C5: variants seen among roughly 807,000 people sequenced by gnomAD.
C5 encodes C3 and PZP-like alpha-2-macroglobulin domain-containing protein 4.
Under a neutral mutation model 218.8 loss-of-function variants are expected in C5, and 140 were observed. The observed-to-expected ratio is 0.64, with a 90% confidence interval of 0.56 to 0.74. The LOEUF is 0.74. Among genes scored for constraint, C5 ranks in the 30% least tolerant of loss-of-function variants. C5 has a pLI of 0.00. For synonymous variants in C5, 614 were observed against 682.3 expected, an observed-to-expected ratio of 0.90 and a Z score of 1.56; for missense variants, 1,700 against 1,969.6, an observed-to-expected ratio of 0.86 and a Z score of 2.59.
chr9:121,029,636 A>G (rs1012356363), intron 7 of C5, among the ~76,000 whole-genome samples: 1 of 152,208 alleles, frequency 6.6e-6, no homozygotes, highest in African/African-American at 2.4e-5. Flanking sequence ...CTCCCCATGT[A>G]TCAACGACCT....
chr9:121,061,406 G>A, the C5 span, among the ~76,000 whole-genome samples: 5 of 152,044 alleles, frequency 3.3e-5, no homozygotes, highest in South Asian at 6.2e-4. Flanking sequence ...AAAATTAGCC[G>A]GGCGTGGTGG....
rs574059341 is a variant in C5 at position 121,018,018 on chromosome 9, C to T, written c.1507-166G>A. ...CTGTAATCCTAGCACTTTGGGAGGC[C>T]GAGGTGGGCCGATCACTTGAGGCCA... On this transcript the variant is annotated intron_variant, in intron 12 of 40. Coordinates refer to ENST00000223642, the MANE Select transcript of C5 (RefSeq NM_001735.3). Among the ~76,000 whole-genome samples the T allele has an allele frequency of 4.6e-5, 7 of 151,754 alleles. No homozygotes were observed. In the East Asian group the frequency reaches 1.2e-3, roughly 25 times the overall value.
the C5 span, among the ~76,000 whole-genome samples, chr9:121,069,729 G>A: frequency 1.3e-5 from 2 of 152,010 alleles, no homozygotes; most frequent in East Asian, 1.9e-4. Flanking sequence ...CTCCAGGCTG[G>A]TATTGAACTC....
At chr9:121,010,914 TG>T (rs1374743161) in intron 17 of C5, among the ~76,000 whole-genome samples, 3 of 152,272 alleles carry the variant, frequency 2.0e-5, no homozygotes, top group Admixed American at 6.5e-5. Context: ...CTGGGAAAAC[TG>T]GTTATCCCAT....
intron 5 of C5, 42 bp from the exon 6 acceptor site, chr9:121,032,237 GT>G (rs781015941): frequency 2.5e-6 from 3 of 1,194,342 alleles, no homozygotes; most frequent in Non-Finnish European, 3.7e-6. Flanking sequence ...GTCATCAAAT[GT>G]TTTTAATTCA....
chr9:120,969,667 T>TGGTACAGGAGAGACTAAAAAAGAAAGG (rs955220834), intron 32 of C5, among the ~76,000 whole-genome samples: 1 of 152,012 alleles, frequency 6.6e-6, no homozygotes, highest in Non-Finnish European at 1.5e-5. Flanking sequence ...AAAGAAAGGA[T>TGGTACAGGAGAGACTAAAAAAGAAAGG]GGTACAGGAG....
At chr9:120,959,789 A>G (rs1379808144) in intron 38 of C5, among the ~76,000 whole-genome samples, 3 of 152,212 alleles carry the variant, frequency 2.0e-5, no homozygotes, top group African/African-American at 7.2e-5. Context: ...GAGTGTCTCA[A>G]ACATGGATTG....
chr9:121,040,881 T>C (rs1165522780), intron 3 of C5, among the ~76,000 whole-genome samples: 2 of 152,140 alleles, frequency 1.3e-5, no homozygotes, highest in Non-Finnish European at 2.9e-5. Flanking sequence ...CCAATATTTA[T>C]AGCAAACTTC....
chr9:121,020,353 A>G (rs2047354073), intron 11 of C5, among the ~76,000 whole-genome samples, 174 bp from the exon 12 acceptor site: 1 of 152,244 alleles, frequency 6.6e-6, no homozygotes, highest in Admixed American at 6.5e-5. Flanking sequence ...GTGTCAAGCA[A>G]CTTTACAAAG....
chr9:121,000,681 A>G (rs1369523819), intron 20 of C5, among the ~76,000 whole-genome samples: 1 of 152,238 alleles, frequency 6.6e-6, no homozygotes, highest in Admixed American at 6.5e-5. Context: ...AGTTCTTTAG[A>G]AAAACATTTT....
chr9:120,999,856 T>A, intron 20 of C5: 1 of 436,540 alleles, frequency 2.3e-6, no homozygotes, highest in South Asian at 1.6e-5. Flanking sequence ...ATTTAAAGAT[T>A]AAATAAAATA....
chr9:121,053,687 C>T (rs574291928), upstream of C5, among the ~76,000 whole-genome samples: 6 of 152,280 alleles, frequency 3.9e-5, no homozygotes, highest in African/African-American at 1.4e-4. Context: ...CTCCTCCAAC[C>T]ACAGGCTGCA....
At chr9:120,991,763 T>C (rs1465060483) in intron 22 of C5, among the ~76,000 whole-genome samples, 1 of 152,206 alleles carries the variant, frequency 6.6e-6, no homozygotes, top group African/African-American at 2.4e-5. Context: ...AGCATACTGG[T>C]ATCAGATAAT....
At chr9:121,055,046 T>C (rs1231759287), upstream of C5, among the ~76,000 whole-genome samples, 2 of 152,090 alleles carry the variant, frequency 1.3e-5, no homozygotes, top group African/African-American at 2.4e-5. Context: ...CTCAACCAAT[T>C]GTCAACTGAA....
rs1212744937 is a variant in C5 at position 120,980,192 on chromosome 9, C to G, written c.3549G>C (p.Gln1183His). Residue 1183 changes from glutamine to histidine, a missense_variant, in exon 28 of 41, where the codon CAG becomes CAC. Physicochemically the swap from Gln to His is conservative, Grantham distance 24. Coordinates refer to ENST00000223642, the MANE Select transcript of C5 (RefSeq NM_001735.3). ...NFLLENTLPA[Q>H]STFTLAISAY... The stretch of plus-strand genomic sequence containing the variant: ...CAGAAATGGCCAATGTAAAGGTGCT[C>G]TGGGCTGGCAGTGTATTTTCAAGCA... 6 of 1,613,950 alleles carry G rather than the reference C, an allele frequency of 3.7e-6. No individual in the cohort carries two copies. Among genetic ancestry groups the G allele is most frequent in the Non-Finnish European group, 4.2e-6 (5 of 1,180,006 alleles).
the C5 span, among the ~76,000 whole-genome samples, chr9:121,068,859 G>A: frequency 6.6e-6 from 1 of 152,164 alleles, no homozygotes; most frequent in African/African-American, 2.4e-5. Flanking sequence ...TGACAAAGAT[G>A]TCAAGAACAC....
chr9:120,987,435 GAGATCGAGACC>G lies in C5; in HGVS notation c.3230+1600_3230+1610del, dbSNP rs879828432. 7.2e-3 allele frequency among the ~76,000 whole-genome samples: 1,101 copies of G among 152,032 alleles called. 10 individuals carry two copies. The highest frequency in any genetic ancestry group is 0.025 in the African/African-American group (1,038 of 41,482). ...TGAGGTGGGTGGATCACGAGGTCCG[GAGATCGAGACC>G]ATCCTGGCCAACATGGTGAAACCCC... On this transcript the variant is annotated intron_variant, in intron 25 of 40. Coordinates refer to ENST00000223642, the MANE Select transcript of C5 (RefSeq NM_001735.3).
intron 7 of C5, among the ~76,000 whole-genome samples, chr9:121,028,933 T>G (rs964234122): frequency 6.6e-6 from 1 of 152,170 alleles, no homozygotes; most frequent in Non-Finnish European, 1.5e-5. Context: ...AAATTGATCT[T>G]GGGGAGATCA....
intron 3 of C5, among the ~76,000 whole-genome samples, chr9:121,038,871 C>T (rs926110421): frequency 1.3e-5 from 2 of 152,186 alleles, no homozygotes; most frequent in African/African-American, 2.4e-5. Flanking sequence ...AATGCCCCAC[C>T]TCTCTGCTCT....
Sources: allele counts gnomAD v4.1 joint callset (sites outside exome capture counted in the v4.1 genomes callset), GRCh38; gene constraint gnomAD v4.1.1; transcripts MANE v1.5; gene names NCBI Gene and HGNC (gene_info 2026-07-23, HGNC 2026-07-21).